Variants in FRYL observed in about 807,000 individuals in gnomAD.
FRYL encodes the protein protein furry homolog-like.
Under a neutral mutation model 351.2 loss-of-function variants are expected in FRYL, and 150 were observed. The observed-to-expected ratio is 0.43, with a 90% CI of 0.37 to 0.49. The LOEUF (loss-of-function observed/expected upper bound fraction) is 0.49, where lower values mean the gene tolerates loss of function less well. Ranked by LOEUF, FRYL falls within the 20% of genes least tolerant of loss-of-function variation. The pLI, the probability that FRYL is intolerant of heterozygous loss-of-function variation, is 0.00. For missense variants in FRYL, 3,036 were observed against 3,619.3 expected (o/e 0.84, Z 4.13); for synonymous variants, 1,153 against 1,257.1 (o/e 0.92, Z 1.75).
Position 48,581,603 on chromosome 4 carries a change from A to C in FRYL, c.1989T>G (p.His663Gln). Reference sequence around the variant, plus strand: ...GATGAGAAGCTCCATTAGCTACACCATGCTTGAAAAACAGAAGTTAAAAAC... The same window carrying C: ...GATGAGAAGCTCCATTAGCTACACCCTGCTTGAAAAACAGAAGTTAAAAAC... ...QMHNKNQDTQ[H>Q]GVANGASHPP... The change falls in exon 21 of 64, where the codon CAT becomes CAG. Residue 663 changes from histidine (H) to glutamine (Q), a missense_variant and splice_region_variant. His to Gln is a conservative substitution (Grantham distance 24, BLOSUM62 0). Around this residue, in one of 7 missense-constraint regions of FRYL, gnomAD observed 492 missense variants for 551.5 expected, o/e 0.89. Coordinates refer to ENST00000358350, the MANE Select transcript of FRYL (RefSeq NM_015030.2). 1.9e-6 allele frequency: 3 copies of C among 1,582,658 alleles called. No individual in the cohort carries two copies. The highest frequency in any genetic ancestry group is 2.6e-6 in the Non-Finnish European group (3 of 1,169,038).
At position 48,745,009 on chromosome 4, in the gene FRYL, T is replaced by A. The variant is rs534625839; in HGVS notation, c.-383-34311A>T. Reference sequence around the variant, plus strand: ...ATTGAGAAATTCAGTATAGCTAGAATAAATTGTGCATTTATAGGGATTGGC... The same window carrying A: ...ATTGAGAAATTCAGTATAGCTAGAAAAAATTGTGCATTTATAGGGATTGGC... On this transcript the variant is annotated intron_variant, in intron 1 of 63. Coordinates refer to ENST00000358350, the MANE Select transcript of FRYL (RefSeq NM_015030.2). 9.2e-4 allele frequency among the ~76,000 whole-genome samples: 140 copies of A among 152,330 alleles called. 1 individual carries two copies. The highest frequency in any genetic ancestry group is 3.3e-3 in the African/African-American group (137 of 41,574).
At chr4:48,743,593 T>G (rs1322706751) in intron 1 of FRYL, among the ~76,000 whole-genome samples, 2 of 152,224 alleles carry the variant, frequency 1.3e-5, no homozygotes, top group Admixed American at 6.5e-5. Flanking sequence ...CAGTGAATAC[T>G]TGTGTGATTA....
At chr4:48,597,918 A>G (rs1430125676) in intron 13 of FRYL, among the ~76,000 whole-genome samples, 3 of 152,194 alleles carry the variant, frequency 2.0e-5, no homozygotes, top group Admixed American at 6.5e-5. Flanking sequence ...AAATCATCCT[A>G]AATTTATCTG....
At chr4:48,757,596 C>CA (rs1773932421) in intron 1 of FRYL, among the ~76,000 whole-genome samples, 1 of 152,106 alleles carries the variant, frequency 6.6e-6, no homozygotes, top group African/African-American at 2.4e-5. Context: ...AAAGAGGATA[C>CA]AAACAAATGG....
chr4:48,728,179 C>T (rs1770298726), intron 1 of FRYL, among the ~76,000 whole-genome samples: 2 of 152,064 alleles, frequency 1.3e-5, no homozygotes, highest in South Asian at 4.2e-4. Context: ...TTAGATATGG[C>T]AAGACATTGG....
intron 19 of FRYL, among the ~76,000 whole-genome samples, chr4:48,584,514 T>C (rs1407507345): frequency 6.6e-6 from 1 of 152,210 alleles, no homozygotes; most frequent in Non-Finnish European, 1.5e-5. Context: ...ATGAAGCATC[T>C]CTAGCCCAGT....
intron 1 of FRYL, among the ~76,000 whole-genome samples, chr4:48,767,978 G>C (rs547317034): frequency 6.6e-6 from 1 of 152,332 alleles, no homozygotes; most frequent in South Asian, 2.1e-4. Flanking sequence ...AGTCAAATGT[G>C]GCAGTCCACC....
intron 1 of FRYL, among the ~76,000 whole-genome samples, chr4:48,749,037 C>T (rs557794948): frequency 1.1e-4 from 16 of 152,086 alleles, no homozygotes; most frequent in Non-Finnish European, 1.9e-4. Context: ...AACAGCAAGG[C>T]GATAAGCAAC....
At chr4:48,540,188 A>C (rs1729856638) in intron 46 of FRYL, 120 bp from the exon 47 acceptor site, 2 of 1,136,716 alleles carry the variant, frequency 1.8e-6, no homozygotes, top group Non-Finnish European at 2.5e-6. Flanking sequence ...GGGATATTCG[A>C]TCTTCTAATT....
At chr4:48,606,287 A>T (rs1266036140) in intron 10 of FRYL, 151 bp downstream of exon 10, 1 of 472,692 alleles carries the variant, frequency 2.1e-6, no homozygotes, top group African/African-American at 2.0e-5. Flanking sequence ...AAAAAAAAAA[A>T]ATTAATTTAC....
At chr4:48,670,330 G>A (rs1762450038) in intron 3 of FRYL, among the ~76,000 whole-genome samples, 1 of 151,900 alleles carries the variant, frequency 6.6e-6, no homozygotes, top group African/African-American at 2.4e-5. Context: ...CTACTTGGAA[G>A]GCTGAGGCAG....
At position 48,557,131 on chromosome 4, in the gene FRYL, T is replaced by G; in HGVS notation, c.4126-13A>C. 1.3e-6 allele frequency: 2 copies of G among 1,568,510 alleles called. No individual in the cohort carries two copies. The highest frequency in any genetic ancestry group is 1.7e-6 in the Non-Finnish European group (2 of 1,150,074). Reference sequence around the variant, plus strand: ...GTTCATCGCCATACTAGATGCAATATGCACAAAAGATACTTCAGTCATGAC... The same window carrying G: ...GTTCATCGCCATACTAGATGCAATAGGCACAAAAGATACTTCAGTCATGAC... On this transcript the variant is annotated splice_polypyrimidine_tract_variant and intron_variant, in intron 34 of 63. Coordinates refer to ENST00000358350, the MANE Select transcript of FRYL (RefSeq NM_015030.2).
Position 48,583,156 on chromosome 4 carries a change from C to CT in FRYL, c.1749-423dup, listed in dbSNP as rs879326339. On this transcript the variant is annotated intron_variant, in intron 19 of 63. Coordinates refer to ENST00000358350, the MANE Select transcript of FRYL (RefSeq NM_015030.2). ...AAGGACACGATTTATCTCAATCATTCTTTTTTTTTTTTTGAGACAGAATCT... is the reference window on the plus strand; with the variant it reads ...AAGGACACGATTTATCTCAATCATTCTTTTTTTTTTTTTTGAGACAGAATCT... Among the ~76,000 whole-genome samples the CT allele has an allele frequency of 4.0e-3, 585 of 144,838 alleles. 4 individuals are homozygous for CT. The highest frequency in any genetic ancestry group is 0.032 in the Middle Eastern group (9 of 280).
chr4:48,645,149 T>C (rs1354143676), intron 3 of FRYL, among the ~76,000 whole-genome samples: 1 of 96,114 alleles, frequency 1.0e-5, no homozygotes, highest in Admixed American at 1.0e-4. Flanking sequence ...TATATATATA[T>C]ATATATCAGA....
At chr4:48,591,041 G>A (rs780302648) in intron 16 of FRYL, among the ~76,000 whole-genome samples, 7 of 152,036 alleles carry the variant, frequency 4.6e-5, no homozygotes, top group Non-Finnish European at 1.0e-4. Context: ...ACTCACTTCT[G>A]AGGTCGACCA....
At chr4:48,633,983 A>G (rs766468954) in intron 4 of FRYL, among the ~76,000 whole-genome samples, 4 of 152,236 alleles carry the variant, frequency 2.6e-5, no homozygotes, top group Non-Finnish European at 4.4e-5. Flanking sequence ...ATATACATGT[A>G]AAATATGTTC....
intron 55 of FRYL, among the ~76,000 whole-genome samples, chr4:48,518,109 T>C (rs1724039986): frequency 6.6e-6 from 1 of 152,218 alleles, no homozygotes; most frequent in Non-Finnish European, 1.5e-5. Context: ...GAACTGTTTC[T>C]AAATGAAATA....
chr4:48,710,025 C>T (rs1767830692), intron 2 of FRYL, among the ~76,000 whole-genome samples: 1 of 152,052 alleles, frequency 6.6e-6, no homozygotes, highest in African/African-American at 2.4e-5. Flanking sequence ...ATCAGAGTTG[C>T]CTAGAAAACT....
Position 48,772,353 on chromosome 4 carries a change from T to C in FRYL, c.-384+7725A>G, listed in dbSNP as rs568120452. On this transcript the variant is annotated intron_variant, in intron 1 of 63. Transcript: ENST00000358350. ...GTGAGCCGTGATTGCACCACTGCAC[T>C]CCAGCCTGGGCAACAGAGCAAGACT... Among the ~76,000 whole-genome samples the C allele has an allele frequency of 1.3e-3, 203 of 152,192 alleles. 2 individuals are homozygous for C. The highest frequency in any genetic ancestry group is 9.5e-3 in the South Asian group (46 of 4,818).
Sources: gnomAD v4.1 joint callset for allele counts (sites outside exome capture counted in the v4.1 genomes callset) on GRCh38, gnomAD v4.1.1 for gene constraint, gnomAD v4.1.1 regional missense constraint, MANE v1.5 for transcripts, NCBI Gene and HGNC (gene_info 2026-07-23, HGNC 2026-07-21) for gene names.